SEMA3A: variants seen among roughly 807,000 people sequenced by gnomAD.
SEMA3A encodes semaphorin-3A.
In SEMA3A, 29 loss-of-function variants were observed where a neutral mutation model predicts 97.9. The ratio of observed to expected loss-of-function variants is 0.30; its 90% confidence interval spans 0.22 to 0.40. SEMA3A has a LOEUF of 0.40. Among genes scored for constraint, SEMA3A ranks in the 10% least tolerant of loss-of-function variants. SEMA3A has a pLI of 1.00. For missense variants in SEMA3A, 763 were observed against 951.3 expected, an observed-to-expected ratio of 0.80 and a Z score of 2.60; for synonymous variants, 321 against 323.7, an observed-to-expected ratio of 0.99 and a Z score of 0.09.
intron 2 of SEMA3A, among the ~76,000 whole-genome samples, chr7:84,346,196 G>T (rs1002802090): frequency 6.6e-6 from 1 of 152,174 alleles, no homozygotes; most frequent in Non-Finnish European, 1.5e-5. Context: ...TAGAATTGAA[G>T]AGAGTTAGGG....
At chr7:84,115,306 T>A (rs559433913) in intron 3 of SEMA3A, among the ~76,000 whole-genome samples, 1 of 152,214 alleles carries the variant, frequency 6.6e-6, no homozygotes, top group South Asian at 2.1e-4. Flanking sequence ...TTTACTTAAA[T>A]GCTCATTTCA....
intron 1 of SEMA3A, among the ~76,000 whole-genome samples, chr7:84,451,668 T>A (rs1805559450): frequency 1.3e-5 from 2 of 152,176 alleles, no homozygotes; most frequent in African/African-American, 2.4e-5. Context: ...ATTGACACGG[T>A]TTGAAAAGTT....
chr7:83,961,124 T>C lies in SEMA3A; in HGVS notation c.*247A>G, dbSNP rs1438982837. On this transcript the variant is annotated 3_prime_UTR_variant, in exon 17 of 17. Transcript: ENST00000265362. ...GTACAGTGAAATCTCATAGGAAACA[T>C]TAAGTCTGCTAAAGTGAACATCTGC... 2 of 505,336 alleles carry C rather than the reference T, an allele frequency of 4.0e-6. No individual in the cohort carries two copies. The highest frequency in any genetic ancestry group is 3.9e-5 in the African/African-American group (2 of 51,730). The allele number at this position is 505,336 out of a possible 1,614,324, so 31.3% of individuals were successfully genotyped here. A position where few individuals can be genotyped will look rare whatever the true frequency, so the allele number is the denominator to read the frequency against.
At chr7:83,962,596 G>A (rs2116252678) in intron 16 of SEMA3A, among the ~76,000 whole-genome samples, 1 of 152,074 alleles carries the variant, frequency 6.6e-6, no homozygotes, top group South Asian at 2.1e-4. Flanking sequence ...GCTTATTTAA[G>A]GCTGTTAAAA....
intron 1 of SEMA3A, among the ~76,000 whole-genome samples, chr7:84,443,761 C>T (rs965225234): frequency 2.6e-5 from 4 of 151,916 alleles, no homozygotes; most frequent in African/African-American, 9.7e-5. Context: ...TCCAGAAAGT[C>T]AACAAGCAAA....
intron 1 of SEMA3A, among the ~76,000 whole-genome samples, chr7:84,415,252 A>G (rs1804401115): frequency 6.6e-6 from 1 of 152,108 alleles, no homozygotes; most frequent in South Asian, 2.1e-4. Context: ...CTGTTTCATA[A>G]ATTTCATAAA....
At chr7:84,039,685 A>T (rs1792065780) in intron 6 of SEMA3A, among the ~76,000 whole-genome samples, 1 of 152,118 alleles carries the variant, frequency 6.6e-6, no homozygotes, top group African/African-American at 2.4e-5. Flanking sequence ...GAGTATTGTG[A>T]TAGTAATCAG....
chr7:84,465,911 A>G (rs1164766235), intron 1 of SEMA3A, among the ~76,000 whole-genome samples: 1 of 151,806 alleles, frequency 6.6e-6, no homozygotes, highest in African/African-American at 2.4e-5. Context: ...CTTTATCCCA[A>G]AACTATCTTC....
At chr7:84,013,014 A>G (rs1345004224) in intron 7 of SEMA3A, among the ~76,000 whole-genome samples, 1 of 152,084 alleles carries the variant, frequency 6.6e-6, no homozygotes, top group Non-Finnish European at 1.5e-5. Flanking sequence ...AAAACTTTTA[A>G]TTTTTCAGTA....
chr7:84,152,868 T>C (rs1182109359), intron 1 of SEMA3A, among the ~76,000 whole-genome samples: 3 of 152,114 alleles, frequency 2.0e-5, no homozygotes, highest in African/African-American at 7.2e-5. Context: ...TAAATGCTAT[T>C]GCATTTAAAC....
intron 14 of SEMA3A, 34 bp downstream of exon 14, chr7:83,981,287 C>G (rs1012642284): frequency 1.9e-6 from 3 of 1,606,140 alleles, no homozygotes; most frequent in African/African-American, 2.7e-5. Context: ...GGATAACTAG[C>G]AAACATTTCA....
chr7:84,126,740 A>G (rs1344953551), intron 3 of SEMA3A, among the ~76,000 whole-genome samples: 2 of 152,168 alleles, frequency 1.3e-5, no homozygotes, highest in African/African-American at 4.8e-5. Flanking sequence ...GCCTTGTATT[A>G]TTGAAGATTT....
intron 1 of SEMA3A, among the ~76,000 whole-genome samples, chr7:84,472,052 A>G (rs960546992): frequency 6.6e-6 from 1 of 152,076 alleles, no homozygotes; most frequent in African/African-American, 2.4e-5. Flanking sequence ...TAAATAGTAC[A>G]TATCTCTGAG....
chr7:84,474,729 A>G (rs1806235450), intron 1 of SEMA3A, among the ~76,000 whole-genome samples: 1 of 152,166 alleles, frequency 6.6e-6, no homozygotes, highest in South Asian at 2.1e-4. Flanking sequence ...ACACCCCTAG[A>G]GATCAGAACT....
intron 1 of SEMA3A, among the ~76,000 whole-genome samples, chr7:84,403,159 G>A (rs1285063570): frequency 6.6e-6 from 1 of 152,158 alleles, no homozygotes; most frequent in Non-Finnish European, 1.5e-5. Context: ...AAAGAAAGGG[G>A]TGACAGATGG....
chr7:84,022,515 T>TATAC (rs1791365777), intron 6 of SEMA3A, among the ~76,000 whole-genome samples: 1 of 152,240 alleles, frequency 6.6e-6, no homozygotes, highest in Non-Finnish European at 1.5e-5. Context: ...TTTAATAATG[T>TATAC]ATACAGCGAC....
chr7:84,128,734 C>T (rs1383652296), intron 3 of SEMA3A, among the ~76,000 whole-genome samples: 2 of 152,062 alleles, frequency 1.3e-5, no homozygotes, highest in Non-Finnish European at 2.9e-5. Flanking sequence ...GCAGGTCGAG[C>T]ATCCCTAATT....
chr7:84,059,220 T>G (rs937694333), intron 5 of SEMA3A, among the ~76,000 whole-genome samples: 15 of 152,150 alleles, frequency 9.9e-5, no homozygotes, highest in Admixed American at 3.3e-4. Context: ...AAATTGTAAG[T>G]GTGCTAGGTA....
chr7:84,029,814 C>T (rs868129950), intron 6 of SEMA3A, among the ~76,000 whole-genome samples: 5,802 of 125,282 alleles, frequency 0.046, 332 homozygotes, highest in African/African-American at 0.14. Flanking sequence ...TCCATATACA[C>T]ACACACACAC....
Sources: gnomAD v4.1 joint callset for allele counts (sites outside exome capture counted in the v4.1 genomes callset) on GRCh38, gnomAD v4.1.1 for gene constraint, MANE v1.5 for transcripts, NCBI Gene and HGNC (gene_info 2026-07-23, HGNC 2026-07-21) for gene names.